SRGAP1: variants seen among roughly 807,000 people sequenced by gnomAD.
SRGAP1 encodes SLIT-ROBO Rho GTPase activating protein 1, also known as SLIT-ROBO Rho GTPase-activating protein 1.
In SRGAP1, 43 loss-of-function variants were observed where a neutral mutation model predicts 121.9. The ratio of observed to expected loss-of-function variants is 0.35; its 90% confidence interval spans 0.28 to 0.46. SRGAP1 has a LOEUF of 0.46. SRGAP1 is among the 20% of genes least tolerant of loss of function. SRGAP1 has a pLI of 1.00. For missense variants in SRGAP1, 1,102 were observed against 1,350.9 expected, an observed-to-expected ratio of 0.82 and a Z score of 2.89; for synonymous variants, 447 against 485.4, an observed-to-expected ratio of 0.92 and a Z score of 1.04.
At chr12:64,115,694 G>GTCC in intron 17 of SRGAP1, 120 bp from the exon 18 acceptor site, 1 of 660,368 alleles carries the variant, frequency 1.5e-6, no homozygotes, top group Non-Finnish European at 2.5e-6. Flanking sequence ...CTGGGAGGCA[G>GTCC]AGGTTTCAGT....
At chr12:64,070,022 C>G (rs1449986194) in intron 8 of SRGAP1, among the ~76,000 whole-genome samples, 1 of 152,212 alleles carries the variant, frequency 6.6e-6, no homozygotes, top group Admixed American at 6.5e-5. Context: ...CAGGTGAGAG[C>G]CACAGCCGGC....
intron 21 of SRGAP1, among the ~76,000 whole-genome samples, chr12:64,136,926 T>G (rs2036865009): frequency 6.6e-6 from 1 of 152,150 alleles, no homozygotes; most frequent in African/African-American, 2.4e-5. Context: ...TAAGGTCTGT[T>G]TAACCCTTTG....
chr12:63,846,952 A>T (rs1442052718), intron 1 of SRGAP1, among the ~76,000 whole-genome samples: 1 of 152,222 alleles, frequency 6.6e-6, no homozygotes, highest in Non-Finnish European at 1.5e-5. Flanking sequence ...ATGCAGGGAG[A>T]GTAGGCCCCT....
At chr12:64,061,146 A>G (rs1363368440) in intron 6 of SRGAP1, among the ~76,000 whole-genome samples, 1 of 152,206 alleles carries the variant, frequency 6.6e-6, no homozygotes, top group African/African-American at 2.4e-5. Flanking sequence ...TTAAAATGCA[A>G]CATGAAAAAA....
At chr12:63,915,736 A>G (rs1363920211) in intron 1 of SRGAP1, among the ~76,000 whole-genome samples, 1 of 152,190 alleles carries the variant, frequency 6.6e-6, no homozygotes, top group Non-Finnish European at 1.5e-5. Context: ...AATGCCTCCA[A>G]CCTTTCAAAC....
intron 1 of SRGAP1, among the ~76,000 whole-genome samples, chr12:63,873,258 C>T (rs891645340): frequency 4.4e-4 from 67 of 151,860 alleles, no homozygotes; most frequent in African/African-American, 1.5e-3. Flanking sequence ...TGGCCGGGCG[C>T]GGTAGCTCAC....
intron 4 of SRGAP1, among the ~76,000 whole-genome samples, chr12:64,035,940 T>G (rs905459509): frequency 6.6e-6 from 1 of 152,166 alleles, no homozygotes; most frequent in African/African-American, 2.4e-5. Context: ...TGCTGTGTGC[T>G]TACATTCTGT....
rs745417233 is a variant in SRGAP1 at position 64,094,929 on chromosome 12, C to T, written c.1540-3C>T. 6.2e-7 allele frequency: 1 copy of T among 1,613,988 alleles called. No individual in the cohort carries two copies. Among genetic ancestry groups the T allele is most frequent in the Admixed American group, 1.7e-5 (1 of 60,020 alleles). ...GTTAACTGGTTTCCATCCCTTTACC[C>T]AGGACTCAGGACAGGTTATTCCCCT... On this transcript the variant is annotated splice_region_variant and splice_polypyrimidine_tract_variant and intron_variant, in intron 12 of 21. Coordinates refer to ENST00000355086, the MANE Select transcript of SRGAP1 (RefSeq NM_020762.4).
intron 1 of SRGAP1, among the ~76,000 whole-genome samples, chr12:63,860,681 T>C (rs1565924357): frequency 6.6e-6 from 1 of 152,236 alleles, no homozygotes; most frequent in Non-Finnish European, 1.5e-5. Flanking sequence ...CTCTCTTTTT[T>C]CATTGATTGA....
chr12:63,989,925 G>A lies in SRGAP1; in HGVS notation c.279G>A (p.Leu93=). 1 of 1,608,522 alleles carries A rather than the reference G, an allele frequency of 6.2e-7. No individual in the cohort carries two copies. Among genetic ancestry groups the A allele is most frequent in the Non-Finnish European group, 8.5e-7 (1 of 1,178,290 alleles). ...DHQQYKKDQN[L]LSPVNCWYLL... ...CACTTCTTAGGAAAGACCAGAACCTGTTGTCTCCAGTGAACTGCTGGTATT... is the reference window on the plus strand; with the variant it reads ...CACTTCTTAGGAAAGACCAGAACCTATTGTCTCCAGTGAACTGCTGGTATT... Residue 93 remains leucine, a synonymous_variant, in exon 3 of 22, where the codon CTG becomes CTA. Transcript: ENST00000355086.
At chr12:64,059,405 GTTGT>G (rs2035404946) in intron 6 of SRGAP1, among the ~76,000 whole-genome samples, 1 of 151,778 alleles carries the variant, frequency 6.6e-6, no homozygotes, top group Admixed American at 6.6e-5. Flanking sequence ...TCTCTTTTAA[GTTGT>G]TTAAGAGATT....
intron 1 of SRGAP1, among the ~76,000 whole-genome samples, chr12:63,869,637 A>G (rs989107328): frequency 6.6e-6 from 1 of 152,200 alleles, no homozygotes; most frequent in African/African-American, 2.4e-5. Context: ...ATGTCATTAA[A>G]GCCTTTATAA....
At chr12:63,958,556 C>G (rs561425943) in intron 1 of SRGAP1, among the ~76,000 whole-genome samples, 128 of 152,206 alleles carry the variant, frequency 8.4e-4, no homozygotes, top group African/African-American at 2.6e-3. Context: ...TGAAGTAGAG[C>G]ACAGAGGATA....
At chr12:63,925,417 G>A (rs2031221712) in intron 1 of SRGAP1, among the ~76,000 whole-genome samples, 1 of 152,180 alleles carries the variant, frequency 6.6e-6, no homozygotes, top group African/African-American at 2.4e-5. Flanking sequence ...GTTAATAGTT[G>A]TGTATATTAA....
At chr12:63,900,209 T>TTTTCTTTTC (rs1258847692) in intron 1 of SRGAP1, among the ~76,000 whole-genome samples, 52 of 133,160 alleles carry the variant, frequency 3.9e-4, no homozygotes, top group African/African-American at 1.2e-3. Context: ...TTTTTCTTTT[T>TTTTCTTTTC]TTTTTTTTTT....
chr12:64,023,681 C>G (rs562720098), intron 4 of SRGAP1, among the ~76,000 whole-genome samples: 1 of 152,264 alleles, frequency 6.6e-6, no homozygotes, highest in East Asian at 1.9e-4. Flanking sequence ...CACAGCTAGC[C>G]AGAGTCAAGA....
intron 21 of SRGAP1, among the ~76,000 whole-genome samples, chr12:64,136,325 T>C (rs901566516): frequency 1.3e-4 from 20 of 152,122 alleles, no homozygotes; most frequent in African/African-American, 4.6e-4. Context: ...TATGATTGTC[T>C]TACTGCACTC....
At chr12:63,916,935 A>T (rs1248620357) in intron 1 of SRGAP1, among the ~76,000 whole-genome samples, 1 of 152,032 alleles carries the variant, frequency 6.6e-6, no homozygotes, top group Non-Finnish European at 1.5e-5. Flanking sequence ...TTTGATCAAA[A>T]CCACGAGGCC....
At chr12:64,058,557 A>G (rs745542315) in intron 6 of SRGAP1, among the ~76,000 whole-genome samples, 5 of 152,172 alleles carry the variant, frequency 3.3e-5, no homozygotes, top group Non-Finnish European at 4.4e-5. Context: ...TTCTTCTCCA[A>G]TTTTAATCCA....
Sources: gnomAD v4.1 joint callset for allele counts (sites outside exome capture counted in the v4.1 genomes callset) on GRCh38, gnomAD v4.1.1 for gene constraint, MANE v1.5 for transcripts, NCBI Gene and HGNC (gene_info 2026-07-23, HGNC 2026-07-21) for gene names.